ANK3: variants seen among roughly 807,000 people sequenced by gnomAD.
The protein encoded by ANK3 is ankyrin 3.
In ANK3, 57 loss-of-function variants were observed where a neutral mutation model predicts 370.9. That is an observed-to-expected ratio of 0.15 (90% CI 0.12 to 0.19). ANK3 has a LOEUF of 0.19. Among genes scored for constraint, ANK3 ranks in the 10% least tolerant of loss-of-function variants. The probability of loss-of-function intolerance (pLI) is 1.00; values close to 1 mark genes in which losing one functional copy is unlikely to be tolerated. For synonymous variants in ANK3, 1,929 were observed against 1,946.3 expected (o/e 0.99, Z 0.23); for missense variants, 4,439 against 5,302.1 (o/e 0.84, Z 5.06).
chr10:60,102,869 C>T (rs148278410), intron 28 of ANK3, among the ~76,000 whole-genome samples: 5 of 152,078 alleles, frequency 3.3e-5, no homozygotes, highest in Admixed American at 1.3e-4. Flanking sequence ...ACAAGACAGA[C>T]ATTATCAAGG....
Position 60,202,947 on chromosome 10 carries a change from T to A in ANK3, c.1392+55A>T, listed in dbSNP as rs1020762388. 3.9e-6 allele frequency: 5 copies of A among 1,291,374 alleles called. No individual in the cohort carries two copies. The African/African-American group carries it at 4.5e-5, about 12-fold the overall frequency. 80.0% of individuals were successfully genotyped at this position (1,291,374 alleles called of 1,614,324 possible). A position where few individuals can be genotyped will look rare whatever the true frequency, so the allele number is the denominator to read the frequency against. The stretch of plus-strand genomic sequence containing the variant: ...ATAAAAAAAGTAGATAAAAACCACC[T>A]TTGCCAGTTTATTAAATACTCACAA... On this transcript the variant is annotated intron_variant, in intron 12 of 43. Coordinates refer to ENST00000280772, the MANE Select transcript of ANK3 (RefSeq NM_020987.5).
In ANK3 at chr10:60,280,214, C is replaced by T. The variant is rs187024519; in HGVS notation, c.115-575G>A. On this transcript the variant is annotated intron_variant, in intron 1 of 43. Coordinates refer to ENST00000280772, the MANE Select transcript of ANK3 (RefSeq NM_020987.5). ...AGTAGCTGAGACTATGGACATGCGC[C>T]GCCATGCCAGGCTACTTTTTTATTT... Among the ~76,000 whole-genome samples the T allele has an allele frequency of 2.5e-3, 378 of 152,248 alleles. 1 individual carries two copies. Among genetic ancestry groups the T allele is most frequent in the African/African-American group, 8.4e-3 (347 of 41,556 alleles).
intron 1 of ANK3, among the ~76,000 whole-genome samples, chr10:60,327,190 G>A (rs1436614129): frequency 6.6e-6 from 1 of 152,180 alleles, no homozygotes; most frequent in Non-Finnish European, 1.5e-5. Flanking sequence ...TGACAGTTAT[G>A]ACCATCCTTC....
chr10:60,366,347 A>T (rs1566872174), intron 1 of ANK3, among the ~76,000 whole-genome samples: 2 of 152,012 alleles, frequency 1.3e-5, no homozygotes, highest in African/African-American at 2.4e-5. Context: ...AAAACAAAAA[A>T]ATTAAACCAC....
chr10:60,726,541 T>C (rs755729101), intron 1 of ANK3, among the ~76,000 whole-genome samples: 1 of 152,218 alleles, frequency 6.6e-6, no homozygotes, highest in Non-Finnish European at 1.5e-5. Context: ...ATTTTAAAGA[T>C]GTGGAAGCTG....
chr10:60,098,470 T>C (rs188590811), intron 28 of ANK3, among the ~76,000 whole-genome samples: 2 of 152,256 alleles, frequency 1.3e-5, no homozygotes, highest in African/African-American at 4.8e-5. Flanking sequence ...TAGAACAACA[T>C]AGCATTGTAA....
At chr10:60,630,867 G>T (rs1418992188) in intron 1 of ANK3, among the ~76,000 whole-genome samples, 1 of 152,128 alleles carries the variant, frequency 6.6e-6, no homozygotes, top group African/African-American at 2.4e-5. Context: ...TGCACAGAGG[G>T]ACCAGAAAGG....
rs1419123032 is a variant in ANK3, at chr10:60,055,680, C to T, written c.13043G>A (p.Gly4348Glu). Reference sequence around the variant, plus strand: ...TACCTTTTGCTCAGACCCACTGGACCCCTCTTCTTCATGGAGGCTAAGCCT... The same window carrying T: ...TACCTTTTGCTCAGACCCACTGGACTCCTCTTCTTCATGGAGGCTAAGCCT... ...KPRLSLHEEEGSSGSEQKQGE... is the reference protein window; with the variant it reads ...KPRLSLHEEEESSGSEQKQGE... The change falls in exon 42 of 44, where the codon GGG becomes GAG. Residue 4348 changes from glycine to glutamate, a missense_variant. By Grantham distance (98) the Gly-to-Glu change is moderately conservative. Coordinates refer to ENST00000280772, the MANE Select transcript of ANK3 (RefSeq NM_020987.5). The T allele has an allele frequency of 6.2e-7, 1 of 1,612,368 alleles. No homozygotes were observed.
intron 1 of ANK3, among the ~76,000 whole-genome samples, chr10:60,383,177 T>A (rs765232604): frequency 6.6e-6 from 1 of 152,126 alleles, no homozygotes; most frequent in African/African-American, 2.4e-5. Flanking sequence ...ACCTCAACTT[T>A]GGTTAATGAC....
rs575381251 is a variant in ANK3, at chr10:60,641,393, A to T, written c.58-26169T>A. Reference sequence around the variant, plus strand: ...CGACTTCAAACTGTACTACAAGGCTACAGTAACCAAAACAGCATGGTACTG... The same window carrying T: ...CGACTTCAAACTGTACTACAAGGCTTCAGTAACCAAAACAGCATGGTACTG... On this transcript the variant is annotated intron_variant, in intron 1 of 43. Transcript: ENST00000373827. Among the ~76,000 whole-genome samples, 619 of 152,294 alleles carry T rather than the reference A, an allele frequency of 4.1e-3. 3 individuals carry two copies. Among genetic ancestry groups the T allele is most frequent in the Non-Finnish European group, 6.5e-3 (441 of 68,032 alleles).
chr10:60,283,974 C>T (rs1241805484), intron 1 of ANK3, among the ~76,000 whole-genome samples: 1 of 151,900 alleles, frequency 6.6e-6, no homozygotes, highest in Non-Finnish European at 1.5e-5. Flanking sequence ...TGGTGTCTCC[C>T]CAAAACTGAT....
In ANK3 at chr10:60,082,168, C is replaced by T. The variant is rs1484361969; in HGVS notation, c.4332G>A (p.Glu1444=). ...ATATTACCTCATCATCTTGATCTGA[C>T]TCTGTCTCCTTTTGGTTCCAAGATG... ...ITLPAHKKET[E]SDQDDEIEKT... Residue 1444 remains glutamate, a synonymous_variant, in exon 35 of 44, where the codon GAG becomes GAA. Coordinates refer to ENST00000280772, the MANE Select transcript of ANK3 (RefSeq NM_020987.5). 1.2e-6 allele frequency: 2 copies of T among 1,610,374 alleles called. No individual in the cohort carries two copies. Among genetic ancestry groups the T allele is most frequent in the Non-Finnish European group, 1.7e-6 (2 of 1,178,024 alleles).
At position 60,074,576 on chromosome 10, in the gene ANK3, A is replaced by C; in HGVS notation, c.6305T>G (p.Phe2102Cys). The C allele has an allele frequency of 6.2e-7, 1 of 1,614,148 alleles. No individual in the cohort carries two copies. The stretch of plus-strand genomic sequence containing the variant: ...CTCTAAAATAGTATCTGTTCCAAAA[A>C]AGGAATCAGCCATTTTACACAATTC... ...EKELCKMADS[F>C]FGTDTILESP... is the part of the protein sequence containing the mutation. The change falls in exon 37 of 44, where the codon TTT becomes TGT. Residue 2102 changes from phenylalanine to cysteine, a missense_variant. Transcript: ENST00000280772.
At chr10:60,483,325 A>G (rs549522336) in intron 2 of ANK3, among the ~76,000 whole-genome samples, 64 of 152,206 alleles carry the variant, frequency 4.2e-4, no homozygotes, top group Non-Finnish European at 7.2e-4. Flanking sequence ...TAAAAACTTT[A>G]ATTCCAAAAT....
intron 23 of ANK3, among the ~76,000 whole-genome samples, chr10:60,163,410 G>A (rs991641926): frequency 1.3e-5 from 2 of 152,070 alleles, no homozygotes; most frequent in South Asian, 2.1e-4. Context: ...CTTCTTCTAC[G>A]GCTCTGCTTT....
chr10:60,632,102 T>C (rs932754248), intron 1 of ANK3, among the ~76,000 whole-genome samples: 1 of 152,232 alleles, frequency 6.6e-6, no homozygotes, highest in Admixed American at 6.5e-5. Context: ...AGTTCTCTGC[T>C]ATCAACTGCT....
At chr10:60,164,057 A>G (rs1478217493) in intron 23 of ANK3, among the ~76,000 whole-genome samples, 1 of 152,222 alleles carries the variant, frequency 6.6e-6, no homozygotes, top group Non-Finnish European at 1.5e-5. Context: ...CTATCAGGCA[A>G]ATGAGTCAGA....
chr10:60,488,790 A>G (rs915956801), intron 2 of ANK3, among the ~76,000 whole-genome samples: 2 of 152,200 alleles, frequency 1.3e-5, no homozygotes, highest in South Asian at 4.1e-4. Flanking sequence ...TTTTTCAATC[A>G]AATGTTTAGA....
chr10:60,657,880 A>C (rs1345271202), intron 1 of ANK3, among the ~76,000 whole-genome samples: 1 of 90,896 alleles, frequency 1.1e-5, no homozygotes, highest in East Asian at 2.8e-4. Context: ...TTTTAGTCTC[A>C]TATATTATGA....
Sources: gnomAD v4.1 joint callset for allele counts (sites outside exome capture counted in the v4.1 genomes callset) on GRCh38, gnomAD v4.1.1 for gene constraint, MANE v1.5 for transcripts, NCBI Gene and HGNC (gene_info 2026-07-23, HGNC 2026-07-21) for gene names.